Variants in TNNT3 observed in about 807,000 individuals in gnomAD.
TNNT3 encodes troponin T, fast skeletal muscle.
A neutral mutation model predicts 54.2 loss-of-function variants in TNNT3; 36 were observed. That is an observed-to-expected ratio of 0.66 (90% CI 0.51 to 0.88). TNNT3 has a LOEUF of 0.88. Among genes scored for constraint, TNNT3 ranks in the 40% least tolerant of loss-of-function variants. TNNT3 has a pLI of 0.00. For synonymous variants in TNNT3, 120 were observed against 109.7 expected, an observed-to-expected ratio of 1.09 and a Z score of -0.59; for missense variants, 291 against 331.6, an observed-to-expected ratio of 0.88 and a Z score of 0.95.
chr11:1,923,103 A>G (rs1200095025), intron 3 of TNNT3, 42 bp downstream of exon 3: 1 of 1,613,262 alleles, frequency 6.2e-7, no homozygotes, highest in Non-Finnish European at 8.5e-7. Flanking sequence ...CTGCTCTAGA[A>G]GGAAGGCTCA....
chr11:1,932,448 G>T (rs377453210), intron 8 of TNNT3, 21 bp from the exon 9 acceptor site: 1 of 1,613,082 alleles, frequency 6.2e-7, no homozygotes, highest in Non-Finnish European at 8.5e-7. Flanking sequence ...CTGCTCACGG[G>T]CCTCTCTGTC....
intron 15 of TNNT3, 100 bp downstream of exon 15, chr11:1,937,103 G>T: frequency 7.6e-7 from 1 of 1,319,100 alleles, no homozygotes; most frequent in Non-Finnish European, 1.1e-6. Flanking sequence ...GGCTGGCCTC[G>T]GCAGGGCAGT....
intron 6 of TNNT3, among the ~76,000 whole-genome samples, chr11:1,927,449 G>A (rs1396207796): frequency 6.6e-6 from 1 of 152,184 alleles, no homozygotes; most frequent in African/African-American, 2.4e-5. Flanking sequence ...CATGGGCCGT[G>A]GGGCTGAGGG....
chr11:1,935,507 C>A, intron 14 of TNNT3: 1 of 176,638 alleles, frequency 5.7e-6, no homozygotes. Flanking sequence ...TCACCGCAGG[C>A]AAAGCTGGGA....
chr11:1,923,899 G>A (rs1337877924), intron 4 of TNNT3, among the ~76,000 whole-genome samples: 1 of 149,758 alleles, frequency 6.7e-6, no homozygotes, highest in East Asian at 1.9e-4. Flanking sequence ...CACTGGGGCT[G>A]GTCATGAAGG....
chr11:1,934,371 A>AG lies in TNNT3; in HGVS notation c.409dup (p.Ala137GlyfsTer26). 1 of 1,613,944 alleles carries AG rather than the reference A, an allele frequency of 6.2e-7. No individual in the cohort carries two copies. The highest frequency in any genetic ancestry group is 2.2e-5 in the East Asian group (1 of 44,878). On this transcript the variant is annotated frameshift_variant, in exon 12 of 16. Transcript: ENST00000278317. LOFTEE classifies it high-confidence loss of function. Reference sequence around the variant, plus strand: ...AAGGGAGGAGGAGGATGCCAAGAGGAGGGCAGAGGACGACCTGAAGAAGAA... The same window carrying AG: ...AAGGGAGGAGGAGGATGCCAAGAGGAGGGGCAGAGGACGACCTGAAGAAGAA...
intron 4 of TNNT3, chr11:1,924,848 C>T: frequency 1.6e-6 from 1 of 612,308 alleles, no homozygotes; most frequent in Non-Finnish European, 2.9e-6. Flanking sequence ...GGCCTCAGAA[C>T]CCCTCTCAGG....
Position 1,937,421 on chromosome 11 carries a change from A to G in TNNT3, c.722+418A>G, listed in dbSNP as rs1041989436. Among the ~76,000 whole-genome samples the G allele has an allele frequency of 5.6e-4, 85 of 152,178 alleles. 1 individual carries two copies. Among genetic ancestry groups the G allele is most frequent in the Non-Finnish European group, 8.2e-4 (56 of 68,014 alleles). ...ACCTAGGACAGGGAATTAAGCAGTC[A>G]GGGCTTCATCACCAGCCCCTCTGTG... On this transcript the variant is annotated intron_variant, in intron 15 of 15. Transcript: ENST00000278317.
chr11:1,934,707 G>A (rs1333032677), intron 13 of TNNT3, 52 bp downstream of exon 13: 2 of 1,602,368 alleles, frequency 1.2e-6, no homozygotes, highest in African/African-American at 1.3e-5. Context: ...CCCTGCAGGA[G>A]CTGCCGACTG....
rs369148719 is a variant in TNNT3 at position 1,938,529 on chromosome 11, G to A, written c.*37G>A. 4.5e-5 allele frequency: 73 copies of A among 1,607,416 alleles called. No homozygotes were observed. The highest frequency in any genetic ancestry group is 1.8e-4 in the Admixed American group (11 of 59,816). On this transcript the variant is annotated 3_prime_UTR_variant, in exon 16 of 16. Coordinates refer to ENST00000278317, the MANE Select transcript of TNNT3 (RefSeq NM_006757.4). Reference sequence around the variant, plus strand: ...AGGCCCCTCGAGGCAGAGACCCTCCGCCCTCTTGCACACCAGGGCCGCTCG... The same window carrying A: ...AGGCCCCTCGAGGCAGAGACCCTCCACCCTCTTGCACACCAGGGCCGCTCG...
Position 1,933,980 on chromosome 11 carries a change from A to G in TNNT3, c.338A>G (p.Lys113Arg), listed in dbSNP as rs1317892202. The change falls in exon 11 of 16, where the codon AAG (lysine) becomes AGG (arginine). Residue 113 changes from lysine (K) to arginine (R), a missense_variant. Lys to Arg is a conservative substitution (Grantham distance 26, BLOSUM62 2). Coordinates refer to ENST00000278317, the MANE Select transcript of TNNT3 (RefSeq NM_006757.4). ...GAGCAGCAGAGGATTCGTGCAGAGA[A>G]GGAGAGGGAGCGCCAGAACAGACTG... ...RAEQQRIRAE[K>R]ERERQNRLAE... is the part of the protein sequence containing the mutation. 6.2e-7 allele frequency: 1 copy of G among 1,612,468 alleles called. No homozygotes were observed. The highest frequency in any genetic ancestry group is 8.5e-7 in the Non-Finnish European group (1 of 1,179,920).
chr11:1,937,706 G>A (rs188266313), intron 15 of TNNT3, among the ~76,000 whole-genome samples: 3 of 152,320 alleles, frequency 2.0e-5, no homozygotes, highest in Admixed American at 2.0e-4. Flanking sequence ...TCCTCCTGTC[G>A]CCTTGGCTTC....
Position 1,938,615 on chromosome 11 carries a change from G to A in TNNT3, c.*123G>A. The A allele has an allele frequency of 3.8e-6, 4 of 1,041,588 alleles. No individual in the cohort carries two copies. The highest frequency in any genetic ancestry group is 5.9e-6 in the Non-Finnish European group (4 of 680,626). 64.5% of individuals were successfully genotyped at this position (1,041,588 alleles called of 1,614,324 possible). A position where few individuals can be genotyped will look rare whatever the true frequency, so the allele number is the denominator to read the frequency against. ...CAGGGGCTCCCTGACAGTCCTGGGGGTGGAGAGGCCATCCCGGGGCGTCCC... is the reference window on the plus strand; with the variant it reads ...CAGGGGCTCCCTGACAGTCCTGGGGATGGAGAGGCCATCCCGGGGCGTCCC... On this transcript the variant is annotated 3_prime_UTR_variant, in exon 16 of 16. Transcript: ENST00000278317.
chr11:1,931,751 T>C (rs1853441890), intron 8 of TNNT3, among the ~76,000 whole-genome samples: 1 of 151,786 alleles, frequency 6.6e-6, no homozygotes, highest in Non-Finnish European at 1.5e-5. Flanking sequence ...TACATACGTT[T>C]TTCATTTGCG....
At chr11:1,925,034 A>C in intron 4 of TNNT3, 65 bp from the exon 5 acceptor site, 1 of 1,587,998 alleles carries the variant, frequency 6.3e-7, no homozygotes, top group Non-Finnish European at 8.6e-7. Flanking sequence ...CACTCTGATC[A>C]CTGTCTCTGT....
chr11:1,934,441 C>T lies in TNNT3; in HGVS notation c.476C>T (p.Ala159Val), dbSNP rs748642216. Residue 159 changes from alanine to valine, a missense_variant, in exon 12 of 16, where the codon GCC (alanine) becomes GTC (valine). Physicochemically the swap from Ala to Val is moderately conservative, Grantham distance 64. Transcript: ENST00000278317. Reference protein sequence around the residue: ...SMGANYSSYLAKADQKRGKKQ... With the variant: ...SMGANYSSYLVKADQKRGKKQ... ...GGAGCCAACTACAGCAGCTACCTGG[C>T]CAAGGTGTGTGCCGCTGCTGGGAGC... 3.1e-6 allele frequency: 5 copies of T among 1,613,438 alleles called. No homozygotes were observed. Among genetic ancestry groups the T allele is most frequent in the East Asian group, 2.2e-5 (1 of 44,876 alleles).
At chr11:1,937,321 G>A (rs1855415800) in intron 15 of TNNT3, among the ~76,000 whole-genome samples, 2 of 152,128 alleles carry the variant, frequency 1.3e-5, no homozygotes, top group Admixed American at 6.5e-5. Flanking sequence ...CCCCTAGAAG[G>A]GGCTACTCGG....
intron 15 of TNNT3, 147 bp downstream of exon 15, chr11:1,937,150 T>A (rs920351501): frequency 3.0e-4 from 256 of 858,646 alleles, no homozygotes; most frequent in Middle Eastern, 3.3e-4. Flanking sequence ...CAGGCCAGCA[T>A]GCGCAGGCCT....
intron 8 of TNNT3, among the ~76,000 whole-genome samples, chr11:1,931,082 A>T (rs867704851): frequency 6.6e-6 from 1 of 152,116 alleles, no homozygotes; most frequent in African/African-American, 2.4e-5. Context: ...TGCTTTTTTT[A>T]AAATTTAGCA....
Sources: allele counts gnomAD v4.1 joint callset (sites outside exome capture counted in the v4.1 genomes callset), GRCh38; gene constraint gnomAD v4.1.1; transcripts MANE v1.5; gene names NCBI Gene and HGNC (gene_info 2026-07-23, HGNC 2026-07-21).